GLIS3: variants seen among roughly 807,000 people sequenced by gnomAD.
GLIS3 encodes zinc finger protein GLIS3.
GLIS3 carries 53 observed loss-of-function variants against 78.6 expected under a neutral mutation model. That is an observed-to-expected ratio of 0.67 (90% confidence interval 0.54 to 0.85). The LOEUF is 0.85. GLIS3 is among the 40% of genes least tolerant of loss of function. The probability of loss-of-function intolerance (pLI) is 0.00; values close to 1 mark genes in which losing one functional copy is unlikely to be tolerated. For synonymous variants in GLIS3, 684 were observed against 509.9 expected, an observed-to-expected ratio of 1.34 and a Z score of -4.60; for missense variants, 1,703 against 1,231.1, an observed-to-expected ratio of 1.38 and a Z score of -5.74.
the GLIS3 span, among the ~76,000 whole-genome samples, chr9:4,354,735 A>G: frequency 9.2e-5 from 14 of 152,234 alleles, no homozygotes; most frequent in African/African-American, 3.4e-4. Context: ...CCTTGATCAG[A>G]TGACACTCTC....
intron 2 of GLIS3, chr9:4,285,649 C>T (rs1183052696): frequency 1.5e-5 from 3 of 197,898 alleles, no homozygotes; most frequent in South Asian, 1.2e-4. Context: ...CAGTTCCAGT[C>T]GGTCTTCTTG....
chr9:4,422,947 T>C, the GLIS3 span, among the ~76,000 whole-genome samples: 1 of 152,324 alleles, frequency 6.6e-6, no homozygotes, highest in African/African-American at 2.4e-5. Context: ...GTTGCCTTGC[T>C]ATGCCCTGTT....
chr9:4,412,198 G>A, the GLIS3 span, among the ~76,000 whole-genome samples: 1 of 152,198 alleles, frequency 6.6e-6, no homozygotes, highest in East Asian at 1.9e-4. Flanking sequence ...TAGCAAGGTG[G>A]AGGGCTTATC....
intron 6 of GLIS3, among the ~76,000 whole-genome samples, chr9:3,920,217 A>C (rs1023886107): frequency 6.6e-6 from 1 of 151,972 alleles, no homozygotes; most frequent in East Asian, 1.9e-4. Context: ...GTTAGCCAGG[A>C]TGGTCTCAAT....
At position 4,133,874 on chromosome 9, in the gene GLIS3, A is replaced by ACACACCCC. The variant is rs768664577; in HGVS notation, c.389-7934_389-7933insGGGGTGTG. The stretch of plus-strand genomic sequence containing the variant: ...CACACACACACACACACACACACAC[A>ACACACCCC]CCGTACATCTGTCCTCGCCTGAACG... On this transcript the variant is annotated intron_variant, in intron 2 of 10. Transcript: ENST00000381971. 6.9e-4 allele frequency among the ~76,000 whole-genome samples: 85 copies of ACACACCCC among 123,980 alleles called. 1 individual carries two copies. The highest frequency in any genetic ancestry group is 1.3e-3 in the African/African-American group (42 of 32,290). 81.3% of individuals were successfully genotyped at this position (123,980 alleles called of 152,430 possible). A position where few individuals can be genotyped will look rare whatever the true frequency, so the allele number is the denominator to read the frequency against.
intron 2 of GLIS3, among the ~76,000 whole-genome samples, chr9:4,228,198 CAAAA>C (rs59507597): frequency 1.2e-4 from 13 of 107,018 alleles, no homozygotes; most frequent in Admixed American, 4.7e-4. Flanking sequence ...TCTAAGGTGG[CAAAA>C]AAAAAAAAAA....
At chr9:4,425,820 G>A in the GLIS3 span, among the ~76,000 whole-genome samples, 7 of 152,260 alleles carry the variant, frequency 4.6e-5, no homozygotes, top group East Asian at 1.9e-4. Context: ...GATGCACAGC[G>A]GTGGTATTTC....
chr9:3,920,029 A>G (rs926865906), intron 6 of GLIS3, among the ~76,000 whole-genome samples: 2 of 128,532 alleles, frequency 1.6e-5, no homozygotes, highest in Admixed American at 1.8e-4. Context: ...TTTGAGACAG[A>G]GTCTCACTCT....
rs185503890 is a variant in GLIS3 at position 4,054,810 on chromosome 9, T to C, written c.1710+62958A>G. 2.0e-5 allele frequency among the ~76,000 whole-genome samples: 3 copies of C among 151,528 alleles called. No homozygotes were observed. In the East Asian group the frequency reaches 6.0e-4, roughly 30 times the overall value. On this transcript the variant is annotated intron_variant, in intron 4 of 10. Coordinates refer to ENST00000381971, the MANE Select transcript of GLIS3 (RefSeq NM_001042413.2). Reference sequence around the variant, plus strand: ...ATGTGTGTGTTCTTGAGCAAAACACTTGAGAAACTGTCAGTTTTCCACATT... The same window carrying C: ...ATGTGTGTGTTCTTGAGCAAAACACCTGAGAAACTGTCAGTTTTCCACATT...
chr9:4,469,457 A>G, the GLIS3 span, among the ~76,000 whole-genome samples: 1 of 152,228 alleles, frequency 6.6e-6, no homozygotes, highest in Admixed American at 6.5e-5. Context: ...CAGTGCAATC[A>G]AACTAGAACT....
chr9:3,937,811 C>G (rs1175206174), intron 4 of GLIS3, among the ~76,000 whole-genome samples: 3 of 152,072 alleles, frequency 2.0e-5, no homozygotes, highest in African/African-American at 7.2e-5. Flanking sequence ...CAGGCTCTTA[C>G]AAAGGAAGCT....
intron 4 of GLIS3, among the ~76,000 whole-genome samples, chr9:4,039,992 G>A (rs141240696): frequency 3.7e-4 from 57 of 152,306 alleles, no homozygotes; most frequent in Admixed American, 2.0e-3. Context: ...TGAGTCTTAA[G>A]AGGAGAGCCA....
chr9:4,479,166 T>C, the GLIS3 span, among the ~76,000 whole-genome samples: 4 of 152,226 alleles, frequency 2.6e-5, no homozygotes, highest in African/African-American at 4.8e-5. Context: ...GCTTGAGCAG[T>C]CCACCTGCCT....
intron 4 of GLIS3, among the ~76,000 whole-genome samples, chr9:4,032,445 T>C (rs192874843): frequency 2.0e-5 from 3 of 152,182 alleles, no homozygotes; most frequent in East Asian, 3.9e-4. Context: ...TGCTTTTTTT[T>C]CAAAATTTTA....
intron 4 of GLIS3, among the ~76,000 whole-genome samples, chr9:4,058,765 G>C (rs898461042): frequency 5.3e-5 from 8 of 152,056 alleles, no homozygotes; most frequent in African/African-American, 1.9e-4. Context: ...CGGATCACGA[G>C]GTCAGGAGAT....
chr9:4,453,842 T>C, the GLIS3 span, among the ~76,000 whole-genome samples: 4 of 152,102 alleles, frequency 2.6e-5, no homozygotes, highest in African/African-American at 9.6e-5. Flanking sequence ...ACACGGGGGC[T>C]TGTCATGGGG....
At chr9:4,135,938 G>A (rs1232482926) in intron 2 of GLIS3, among the ~76,000 whole-genome samples, 1 of 152,110 alleles carries the variant, frequency 6.6e-6, no homozygotes, top group Non-Finnish European at 1.5e-5. Context: ...ATATTTCACT[G>A]CTGAGATACA....
chr9:4,256,907 G>A (rs1304530282), intron 2 of GLIS3, among the ~76,000 whole-genome samples: 1 of 152,166 alleles, frequency 6.6e-6, no homozygotes, highest in African/African-American at 2.4e-5. Flanking sequence ...CATGTTCACT[G>A]AAGCATTATT....
chr9:4,149,999 A>G (rs2131032532), intron 2 of GLIS3, among the ~76,000 whole-genome samples: 1 of 152,362 alleles, frequency 6.6e-6, no homozygotes, highest in Non-Finnish European at 1.5e-5. Flanking sequence ...GATATATGTT[A>G]GGAATATAAG....
Sources: allele counts gnomAD v4.1 joint callset (sites outside exome capture counted in the v4.1 genomes callset), GRCh38; gene constraint gnomAD v4.1.1; transcripts MANE v1.5; gene names NCBI Gene and HGNC (gene_info 2026-07-23, HGNC 2026-07-21).